The following EPB41L5 variants were observed in gnomAD, a reference collection of about 807,000 sequenced individuals.
EPB41L5 encodes the protein erythrocyte membrane protein band 4.1 like 5.
A neutral mutation model predicts 106.6 loss-of-function variants in EPB41L5; 55 were observed. That is an observed-to-expected ratio of 0.52 (90% CI 0.42 to 0.65). The LOEUF (loss-of-function observed/expected upper bound fraction) is 0.65. EPB41L5 is among the 30% of genes least tolerant of loss of function. The pLI is 0.00. For missense variants in EPB41L5, 871 were observed against 882.1 expected (o/e 0.99, Z 0.16); for synonymous variants, 297 against 306.7 (o/e 0.97, Z 0.33).
At position 120,026,425 on chromosome 2, in the gene EPB41L5, A is replaced by G. The variant is rs141170426; in HGVS notation, c.180+7161A>G. 7.0e-3 allele frequency among the ~76,000 whole-genome samples: 1,070 copies of G among 152,066 alleles called. 9 individuals carry two copies. Among genetic ancestry groups the G allele is most frequent in the African/African-American group, 0.025 (1,018 of 41,480 alleles). On this transcript the variant is annotated intron_variant, in intron 2 of 24. Transcript: ENST00000263713. Reference sequence around the variant, plus strand: ...ACTCTATTGCTCAGGCTGGAGTGCAATGACGTGATCTCAGCTTACTGCGAT... The same window carrying G: ...ACTCTATTGCTCAGGCTGGAGTGCAGTGACGTGATCTCAGCTTACTGCGAT...
chr2:120,069,128 C>CAAAAAAAAAAA (rs539813602), intron 3 of EPB41L5, among the ~76,000 whole-genome samples: 31 of 79,544 alleles, frequency 3.9e-4, no homozygotes, highest in African/African-American at 5.3e-4. Flanking sequence ...AACTCTGTCT[C>CAAAAAAAAAAA]AAAAAAAAAA....
chr2:120,177,979 T>A lies in EPB41L5; in HGVS notation c.*3072T>A, dbSNP rs1225986335. Reference sequence around the variant, plus strand: ...GAAGTCTTGTTAGCAGAATTATTTATCAGTCACAGAGAGAAAAATCTGCTA... The same window carrying A: ...GAAGTCTTGTTAGCAGAATTATTTAACAGTCACAGAGAGAAAAATCTGCTA... On this transcript the variant is annotated 3_prime_UTR_variant, in exon 25 of 25. Transcript: ENST00000263713. 1 of 152,410 alleles carries A rather than the reference T, an allele frequency of 6.6e-6. No homozygotes were observed. Among genetic ancestry groups the A allele is most frequent in the Admixed American group, 6.5e-5 (1 of 15,288 alleles). The allele number at this position is 152,410 out of a possible 1,614,324, so 9.4% of individuals were successfully genotyped here. A position where few individuals can be genotyped will look rare whatever the true frequency, so the allele number is the denominator to read the frequency against.
At position 120,037,236 on chromosome 2, in the gene EPB41L5, AAC is replaced by A. The variant is rs528117638; in HGVS notation, c.181-4767_181-4766del. ...AGGAGGCAAAAGACTTGCAGTATAA[AAC>A]ACTGCTGAGAGGAATGAAAGAACAT... On this transcript the variant is annotated intron_variant, in intron 2 of 24. Coordinates refer to ENST00000263713, the MANE Select transcript of EPB41L5 (RefSeq NM_020909.4). 4.2e-3 allele frequency among the ~76,000 whole-genome samples: 636 copies of A among 152,328 alleles called. 3 individuals are homozygous for A. Among genetic ancestry groups the A allele is most frequent in the Non-Finnish European group, 6.9e-3 (468 of 68,028 alleles).
At chr2:120,099,903 T>C (rs1222597697) in intron 14 of EPB41L5, among the ~76,000 whole-genome samples, 1 of 152,186 alleles carries the variant, frequency 6.6e-6, no homozygotes, top group African/African-American at 2.4e-5. Context: ...ACAGATAAGT[T>C]TATGTGGGAT....
At chr2:120,112,373 C>T (rs1684763090) in intron 16 of EPB41L5, among the ~76,000 whole-genome samples, 5 of 152,074 alleles carry the variant, frequency 3.3e-5, no homozygotes, top group Admixed American at 3.3e-4. Context: ...TCAGACACTC[C>T]ATATATATTA....
chr2:120,113,223 C>T (rs1420798094), intron 16 of EPB41L5, among the ~76,000 whole-genome samples: 1 of 152,148 alleles, frequency 6.6e-6, no homozygotes, highest in African/African-American at 2.4e-5. Context: ...GTGAAAGCAA[C>T]CAAATCATGT....
chr2:120,036,585 G>A (rs188511090), intron 2 of EPB41L5, among the ~76,000 whole-genome samples: 2 of 152,210 alleles, frequency 1.3e-5, no homozygotes, highest in East Asian at 3.9e-4. Context: ...GTTTTATGTT[G>A]TTAATATCTT....
intron 3 of EPB41L5, among the ~76,000 whole-genome samples, chr2:120,046,501 G>T (rs10451612): frequency 0.021 from 3,134 of 148,308 alleles, 102 homozygotes; most frequent in African/African-American, 0.073. Flanking sequence ...TTTTGATGGG[G>T]TTGTTTTTTT....
chr2:120,159,899 A>T (rs1687071853), intron 20 of EPB41L5, among the ~76,000 whole-genome samples: 1 of 152,220 alleles, frequency 6.6e-6, no homozygotes, highest in Non-Finnish European at 1.5e-5. Context: ...AAAAAGAATG[A>T]AATAGAATGA....
chr2:120,125,225 T>C (rs1279858825), intron 16 of EPB41L5, among the ~76,000 whole-genome samples: 2 of 152,200 alleles, frequency 1.3e-5, no homozygotes, highest in Admixed American at 1.3e-4. Flanking sequence ...TGTGTTATTA[T>C]CTGTTTCTGT....
At position 120,074,194 on chromosome 2, in the gene EPB41L5, A is replaced by G; in HGVS notation, c.407+16A>G. The G allele has an allele frequency of 1.3e-6, 2 of 1,582,992 alleles. No homozygotes were observed. The highest frequency in any genetic ancestry group is 1.7e-6 in the Non-Finnish European group (2 of 1,155,794). ...AGCTAACCCGGTAAGAACACCATCTAGAATTGTGCCAGGGTTATTTTGATA... is the reference window on the plus strand; with the variant it reads ...AGCTAACCCGGTAAGAACACCATCTGGAATTGTGCCAGGGTTATTTTGATA... On this transcript the variant is annotated intron_variant, in intron 5 of 24. Transcript: ENST00000263713.
intron 16 of EPB41L5, among the ~76,000 whole-genome samples, chr2:120,123,646 C>CATTTTTTT: frequency 1.5e-5 from 1 of 68,304 alleles, no homozygotes; most frequent in Non-Finnish European, 2.8e-5. Flanking sequence ...GTGTTCGTCC[C>CATTTTTTT]TTTTTTTTTT....
chr2:120,077,610 G>C (rs1224030193), intron 9 of EPB41L5, among the ~76,000 whole-genome samples: 1 of 151,970 alleles, frequency 6.6e-6, no homozygotes, highest in Non-Finnish European at 1.5e-5. Context: ...TTAAGCTTTT[G>C]AGCCATTTGT....
intron 3 of EPB41L5, among the ~76,000 whole-genome samples, chr2:120,058,459 G>C (rs1449423260): frequency 6.6e-6 from 1 of 152,162 alleles, no homozygotes; most frequent in Admixed American, 6.5e-5. Flanking sequence ...TACAGGTGTG[G>C]GCCACTGTGC....
At chr2:120,092,952 T>C (rs1446981217) in intron 13 of EPB41L5, among the ~76,000 whole-genome samples, 2 of 152,222 alleles carry the variant, frequency 1.3e-5, no homozygotes, top group East Asian at 1.9e-4. Flanking sequence ...TTTAGATTTA[T>C]GGTTGGGGCC....
chr2:120,091,728 C>G, intron 13 of EPB41L5, 67 bp downstream of exon 13: 1 of 1,273,134 alleles, frequency 7.9e-7, no homozygotes, highest in Non-Finnish European at 1.1e-6. Context: ...GGTGTTGTTT[C>G]CATAAGAGGA....
chr2:120,021,731 A>C (rs1468978327), intron 2 of EPB41L5, among the ~76,000 whole-genome samples: 2 of 152,244 alleles, frequency 1.3e-5, no homozygotes, highest in Non-Finnish European at 2.9e-5. Context: ...TAAAGTGGTC[A>C]TTGGCCTGTT....
At chr2:120,134,700 C>T (rs1352056853) in intron 18 of EPB41L5, among the ~76,000 whole-genome samples, 2 of 152,230 alleles carry the variant, frequency 1.3e-5, no homozygotes, top group Non-Finnish European at 2.9e-5. Context: ...CAAGGCTGTA[C>T]CTTAACAAGC....
intron 16 of EPB41L5, among the ~76,000 whole-genome samples, chr2:120,123,646 C>CTTTTTTT (rs869296989): frequency 7.3e-5 from 5 of 68,338 alleles, no homozygotes; most frequent in African/African-American, 1.6e-4. Flanking sequence ...GTGTTCGTCC[C>CTTTTTTT]TTTTTTTTTT....
Sources: gnomAD v4.1 joint callset for allele counts (sites outside exome capture counted in the v4.1 genomes callset) on GRCh38, gnomAD v4.1.1 for gene constraint, MANE v1.5 for transcripts, NCBI Gene and HGNC (gene_info 2026-07-23, HGNC 2026-07-21) for gene names.